SPAG1: variants seen among roughly 807,000 people sequenced by gnomAD.
SPAG1 encodes the protein sperm associated antigen 1, also known as sperm-associated antigen 1.
In SPAG1, 69 loss-of-function variants were observed where a neutral mutation model predicts 100.5. That is an observed-to-expected ratio of 0.69 (90% confidence interval 0.57 to 0.84). The LOEUF (loss-of-function observed/expected upper bound fraction) is 0.84. Ranked by LOEUF, SPAG1 falls within the 40% of genes least tolerant of loss-of-function variation. The probability of loss-of-function intolerance (pLI) is 0.00; values close to 1 mark genes in which losing one functional copy is unlikely to be tolerated. For missense variants in SPAG1, 955 were observed against 1,133.1 expected (o/e 0.84, Z 2.26); for synonymous variants, 336 against 411.6 (o/e 0.82, Z 2.22).
intron 3 of SPAG1, among the ~76,000 whole-genome samples, chr8:100,171,855 T>C (rs1815867013): frequency 1.3e-5 from 2 of 152,200 alleles, no homozygotes. Flanking sequence ...GTAAATCTAG[T>C]TCCTGACTCC....
At chr8:100,183,644 A>T (rs1816463071) in intron 5 of SPAG1, among the ~76,000 whole-genome samples, 1 of 152,126 alleles carries the variant, frequency 6.6e-6, no homozygotes, top group Non-Finnish European at 1.5e-5. Context: ...TTTTTTATAA[A>T]GTCAGCCAAA....
At chr8:100,165,306 T>C (rs893761404) in intron 2 of SPAG1, 8 of 511,702 alleles carry the variant, frequency 1.6e-5, no homozygotes, top group Non-Finnish European at 2.0e-5. Context: ...CTGTGCAGGA[T>C]TTTTTCCTAT....
At chr8:100,199,105 C>A (rs985518738) in intron 10 of SPAG1, among the ~76,000 whole-genome samples, 4 of 152,148 alleles carry the variant, frequency 2.6e-5, no homozygotes, top group Non-Finnish European at 5.9e-5. Flanking sequence ...TTTGTTTGAA[C>A]AGATGTTTTA....
rs75148705 is a variant in SPAG1 at position 100,235,954 on chromosome 8, T to C, written c.2115+2417T>C. On this transcript the variant is annotated intron_variant, in intron 16 of 18. Transcript: ENST00000388798. The stretch of plus-strand genomic sequence containing the variant: ...TGAAATTTACTCACCTCTTTGAGCT[T>C]AGTAGATTTGGTAAATGAGGATCTG... 3.5e-3 allele frequency among the ~76,000 whole-genome samples: 527 copies of C among 152,320 alleles called. 6 individuals carry two copies. Among genetic ancestry groups the C allele is most frequent in the Admixed American group, 6.1e-3 (93 of 15,300 alleles).
At chr8:100,220,946 G>A (rs1033582004) in intron 13 of SPAG1, among the ~76,000 whole-genome samples, 3 of 151,968 alleles carry the variant, frequency 2.0e-5, no homozygotes, top group East Asian at 3.9e-4. Flanking sequence ...GGTGGCGGGC[G>A]CCTGTAATCC....
chr8:100,169,555 G>A (rs1289292240), intron 3 of SPAG1, among the ~76,000 whole-genome samples: 4 of 152,132 alleles, frequency 2.6e-5, no homozygotes, highest in Admixed American at 6.5e-5. Context: ...ACTGGCCAAC[G>A]TGGCAAAACC....
At chr8:100,188,412 C>T (rs934719822) in intron 8 of SPAG1, among the ~76,000 whole-genome samples, 2 of 152,200 alleles carry the variant, frequency 1.3e-5, no homozygotes, top group Admixed American at 6.5e-5. Flanking sequence ...ACCTCGACCT[C>T]CCAAAGTGCT....
intron 3 of SPAG1, among the ~76,000 whole-genome samples, chr8:100,175,430 G>A (rs377553041): frequency 1.7e-3 from 257 of 151,740 alleles, no homozygotes; most frequent in African/African-American, 6.1e-3. Flanking sequence ...GACTACAGGC[G>A]CCCACCACCA....
chr8:100,184,742 A>C lies in SPAG1; in HGVS notation c.701+9A>C. The C allele has an allele frequency of 6.6e-7, 1 of 1,508,126 alleles. No homozygotes were observed. Among genetic ancestry groups the C allele is most frequent in the Non-Finnish European group, 9.0e-7 (1 of 1,105,924 alleles). 93.4% of individuals were successfully genotyped at this position (1,508,126 alleles called of 1,614,324 possible). A position where few individuals can be genotyped will look rare whatever the true frequency, so the allele number is the denominator to read the frequency against. ...GTGATGTATTATACCAGGTGAGCAGATGTTTGTTGGGGTTTAAACTTGCCT... is the reference window on the plus strand; with the variant it reads ...GTGATGTATTATACCAGGTGAGCAGCTGTTTGTTGGGGTTTAAACTTGCCT... On this transcript the variant is annotated intron_variant, in intron 7 of 18. Transcript: ENST00000388798.
At chr8:100,195,332 A>T (rs1322267756) in intron 10 of SPAG1, among the ~76,000 whole-genome samples, 1 of 152,212 alleles carries the variant, frequency 6.6e-6, no homozygotes, top group Non-Finnish European at 1.5e-5. Context: ...TAATTTTGAG[A>T]GAGATACAAA....
intron 14 of SPAG1, among the ~76,000 whole-genome samples, chr8:100,225,918 G>C (rs945878427): frequency 6.7e-6 from 1 of 150,170 alleles, no homozygotes; most frequent in African/African-American, 2.5e-5. Flanking sequence ...CTGCAGTCTC[G>C]ACCTCCTAAG....
intron 10 of SPAG1, among the ~76,000 whole-genome samples, chr8:100,203,707 C>T (rs1378538191): frequency 6.6e-6 from 1 of 152,066 alleles, no homozygotes; most frequent in African/African-American, 2.4e-5. Context: ...GTTCAGTGGA[C>T]AAAGTAGTGA....
chr8:100,207,672 A>G (rs780133271), intron 10 of SPAG1, among the ~76,000 whole-genome samples: 1 of 152,170 alleles, frequency 6.6e-6, no homozygotes, highest in African/African-American at 2.4e-5. Flanking sequence ...GAAGCACCCA[A>G]TGCTTCTGCC....
intron 8 of SPAG1, 127 bp from the exon 9 acceptor site, chr8:100,191,263 G>A: frequency 1.6e-6 from 1 of 612,998 alleles, no homozygotes; most frequent in Non-Finnish European, 2.9e-6. Flanking sequence ...GAAAAAGGGT[G>A]TAGTTGAGCT....
chr8:100,170,350 TCA>T (rs1222129410), intron 3 of SPAG1, among the ~76,000 whole-genome samples: 3 of 152,336 alleles, frequency 2.0e-5, no homozygotes, highest in South Asian at 2.1e-4. Context: ...TCCTGTCATC[TCA>T]GTTATGAAAT....
intron 9 of SPAG1, among the ~76,000 whole-genome samples, chr8:100,192,193 A>G (rs992314809): frequency 2.6e-5 from 4 of 152,196 alleles, no homozygotes; most frequent in Non-Finnish European, 5.9e-5. Flanking sequence ...AGCTGAGTGC[A>G]GTGGCTCACG....
intron 12 of SPAG1, among the ~76,000 whole-genome samples, chr8:100,215,075 T>C (rs1387747861): frequency 2.2e-5 from 3 of 133,816 alleles, no homozygotes; most frequent in Admixed American, 7.9e-5. Flanking sequence ...TTGTTAACTA[T>C]AGTCATCCTA....
rs1256159836 is a variant in SPAG1, at chr8:100,184,689, T to C, written c.657T>C (p.Ala219=). 3 of 1,588,416 alleles carry C rather than the reference T, an allele frequency of 1.9e-6. No individual in the cohort carries two copies. Among genetic ancestry groups the C allele is most frequent in the Non-Finnish European group, 2.6e-6 (3 of 1,171,620 alleles). Residue 219 remains alanine, a synonymous_variant, in exon 7 of 19, where the codon GCT becomes GCC. Coordinates refer to ENST00000388798, the MANE Select transcript of SPAG1 (RefSeq NM_003114.5). ...ATREKEKGNE[A]FNSGDYEEAV... ...GTGAAAAGGAGAAAGGAAATGAAGC[T>C]TTCAACTCAGGAGATTATGAAGAAG...
chr8:100,238,749 T>G (rs1819120537), intron 16 of SPAG1, among the ~76,000 whole-genome samples: 4 of 137,412 alleles, frequency 2.9e-5, no homozygotes, highest in Admixed American at 2.4e-4. Context: ...GCATAGTCCT[T>G]TATAGGTTTA....
Sources: gnomAD v4.1 joint callset for allele counts (sites outside exome capture counted in the v4.1 genomes callset) on GRCh38, gnomAD v4.1.1 for gene constraint, MANE v1.5 for transcripts, NCBI Gene and HGNC (gene_info 2026-07-23, HGNC 2026-07-21) for gene names.